The following RBFOX1 variants were observed in gnomAD, a reference collection of about 807,000 sequenced individuals.
RBFOX1 encodes RNA binding protein fox-1 homolog 1.
Under a neutral mutation model 57.7 loss-of-function variants are expected in RBFOX1, and 8 were observed. That is an observed-to-expected ratio of 0.14 (90% CI 0.08 to 0.25). The LOEUF is 0.25. Among genes scored for constraint, RBFOX1 ranks in the 10% least tolerant of loss-of-function variants. RBFOX1 has a pLI of 1.00. For missense variants in RBFOX1, 611 were observed against 548.5 expected, an observed-to-expected ratio of 1.11 and a Z score of -1.14; for synonymous variants, 326 against 222.4, an observed-to-expected ratio of 1.47 and a Z score of -4.15.
rs75633758 is a variant in RBFOX1 at position 6,219,505 on chromosome 16, C to T, written c.-126-97490C>T. 4.1e-3 allele frequency among the ~76,000 whole-genome samples: 629 copies of T among 152,240 alleles called. 6 individuals are homozygous for T. Among genetic ancestry groups the T allele is most frequent in the South Asian group, 0.025 (121 of 4,816 alleles). On this transcript the variant is annotated intron_variant, in intron 1 of 15. Transcript: ENST00000550418. ...GAGCTTCATTTTCTATTGATCCAGT[C>T]GTGGTCTTTTCCAAGGAAATTATTG...
At chr16:6,729,748 G>A (rs1236974749) in intron 3 of RBFOX1, among the ~76,000 whole-genome samples, 1 of 152,092 alleles carries the variant, frequency 6.6e-6, no homozygotes, top group Non-Finnish European at 1.5e-5. Flanking sequence ...TGGGAGTTGG[G>A]TCTTAAAGTC....
At chr16:7,670,015 A>G (rs534716074) in intron 13 of RBFOX1, among the ~76,000 whole-genome samples, 112 of 152,102 alleles carry the variant, frequency 7.4e-4, no homozygotes, top group African/African-American at 2.5e-3. Flanking sequence ...TCTTACCTCT[A>G]TTTTTCTGTT....
intron 10 of RBFOX1, among the ~76,000 whole-genome samples, chr16:7,629,325 G>A (rs1303889770): frequency 6.6e-6 from 1 of 152,136 alleles, no homozygotes; most frequent in Non-Finnish European, 1.5e-5. Flanking sequence ...CTACATTTTT[G>A]TTGATCATAG....
At chr16:6,917,927 G>C (rs1267899179) in intron 3 of RBFOX1, among the ~76,000 whole-genome samples, 1 of 152,146 alleles carries the variant, frequency 6.6e-6, no homozygotes, top group Non-Finnish European at 1.5e-5. Flanking sequence ...TATCCCTTTA[G>C]GGTGTTCTTA....
At chr16:6,270,408 A>T (rs557234763) in intron 1 of RBFOX1, among the ~76,000 whole-genome samples, 1 of 151,850 alleles carries the variant, frequency 6.6e-6, no homozygotes, top group South Asian at 2.1e-4. Context: ...TGGAAACATC[A>T]ATCAAAAGAA....
chr16:6,214,788 G>GGAGGGA (rs767823681), intron 1 of RBFOX1, among the ~76,000 whole-genome samples: 3 of 92,612 alleles, frequency 3.2e-5, no homozygotes, highest in African/African-American at 1.3e-4. Flanking sequence ...AGGGAGAAGG[G>GGAGGGA]GAGGGAGAGG....
intron 3 of RBFOX1, among the ~76,000 whole-genome samples, chr16:5,829,188 CTG>C (rs941505693): frequency 5.3e-5 from 8 of 152,192 alleles, no homozygotes; most frequent in African/African-American, 1.7e-4. Flanking sequence ...GCCTGCCACA[CTG>C]TGGTTTAAAG....
chr16:6,543,536 G>C (rs913442948), intron 2 of RBFOX1, among the ~76,000 whole-genome samples: 11 of 152,066 alleles, frequency 7.2e-5, no homozygotes, highest in Non-Finnish European at 7.4e-5. Flanking sequence ...TGGGCTTTGC[G>C]CTTTTTATAC....
At chr16:5,449,015 A>G (rs2068339191) in intron 1 of RBFOX1, among the ~76,000 whole-genome samples, 2 of 152,060 alleles carry the variant, frequency 1.3e-5, no homozygotes, top group Non-Finnish European at 2.9e-5. Flanking sequence ...GCCAGGTCAC[A>G]GAGGTATTGA....
chr16:5,835,239 C>T (rs896575243), intron 3 of RBFOX1, among the ~76,000 whole-genome samples: 2 of 152,148 alleles, frequency 1.3e-5, no homozygotes, highest in African/African-American at 2.4e-5. Context: ...GAGCAATGAG[C>T]ACGTGACAAT....
At chr16:5,962,843 A>G (rs1200761105) in intron 4 of RBFOX1, among the ~76,000 whole-genome samples, 1 of 144,790 alleles carries the variant, frequency 6.9e-6, no homozygotes, top group Non-Finnish European at 1.5e-5. Flanking sequence ...TTTTTAATAT[A>G]TAATGATAAT....
intron 3 of RBFOX1, among the ~76,000 whole-genome samples, chr16:6,862,880 G>A (rs1244805892): frequency 6.8e-6 from 1 of 147,198 alleles, no homozygotes; most frequent in Non-Finnish European, 1.5e-5. Flanking sequence ...AGCTACTCAG[G>A]AGGTTGAGGC....
intron 3 of RBFOX1, among the ~76,000 whole-genome samples, chr16:5,607,385 A>G (rs55847545): frequency 0.055 from 8,131 of 149,154 alleles, 293 homozygotes; most frequent in African/African-American, 0.11. Flanking sequence ...GGCACTCTTG[A>G]CCTCAGGCAC....
At chr16:5,688,607 G>T (rs1382546663) in intron 3 of RBFOX1, among the ~76,000 whole-genome samples, 1 of 152,132 alleles carries the variant, frequency 6.6e-6, no homozygotes, top group African/African-American at 2.4e-5. Context: ...GATGGGTGAT[G>T]GCCTGAACTG....
At chr16:6,748,219 C>G (rs1031545215) in intron 3 of RBFOX1, among the ~76,000 whole-genome samples, 1 of 152,196 alleles carries the variant, frequency 6.6e-6, no homozygotes, top group Non-Finnish European at 1.5e-5. Flanking sequence ...CAGTACCATG[C>G]TGTGCATAAA....
chr16:5,907,789 T>C (rs1018535230), intron 4 of RBFOX1, among the ~76,000 whole-genome samples: 1 of 151,858 alleles, frequency 6.6e-6, no homozygotes, highest in East Asian at 1.9e-4. Flanking sequence ...TTTTCTCTAT[T>C]GCCCAGGCTG....
At chr16:5,975,057 C>G (rs1004386274) in intron 4 of RBFOX1, among the ~76,000 whole-genome samples, 10 of 152,138 alleles carry the variant, frequency 6.6e-5, no homozygotes, top group African/African-American at 2.4e-4. Context: ...ACCAAAATCA[C>G]TTTAAAAAGT....
intron 3 of RBFOX1, among the ~76,000 whole-genome samples, chr16:5,645,995 C>T (rs934241611): frequency 2.0e-5 from 3 of 151,984 alleles, no homozygotes; most frequent in African/African-American, 4.8e-5. Context: ...ACTACCGCAC[C>T]TGGCTAATTT....
At chr16:7,341,348 A>C (rs1006841188) in intron 4 of RBFOX1, among the ~76,000 whole-genome samples, 1 of 152,204 alleles carries the variant, frequency 6.6e-6, no homozygotes, top group Non-Finnish European at 1.5e-5. Flanking sequence ...CAAAGGCTCC[A>C]TGAAACTCAT....
Sources: gnomAD v4.1 joint callset for allele counts (sites outside exome capture counted in the v4.1 genomes callset) on GRCh38, gnomAD v4.1.1 for gene constraint, MANE v1.5 for transcripts, NCBI Gene and HGNC (gene_info 2026-07-23, HGNC 2026-07-21) for gene names.